TBC1D22A: variants seen among roughly 807,000 people sequenced by gnomAD.
TBC1D22A encodes the protein putative GTPase activator.
A neutral mutation model predicts 60.2 loss-of-function variants in TBC1D22A; 38 were observed. That is an observed-to-expected ratio of 0.63 (90% confidence interval 0.49 to 0.83). The LOEUF is 0.83. Among genes scored for constraint, TBC1D22A ranks in the 40% least tolerant of loss-of-function variants. The pLI is 0.00. For synonymous variants in TBC1D22A, 302 were observed against 281.7 expected (o/e 1.07, Z -0.72); for missense variants, 628 against 701.0 (o/e 0.90, Z 1.18).
At chr22:47,134,877 C>T (rs904200590) in intron 12 of TBC1D22A, among the ~76,000 whole-genome samples, 2 of 152,114 alleles carry the variant, frequency 1.3e-5, no homozygotes, top group East Asian at 1.9e-4. Flanking sequence ...GGGCATGTTG[C>T]ACCACAGGGG....
intron 10 of TBC1D22A, among the ~76,000 whole-genome samples, chr22:47,000,333 C>G (rs183192367): frequency 6.6e-6 from 1 of 151,986 alleles, no homozygotes; most frequent in Non-Finnish European, 1.5e-5. Flanking sequence ...GAGGGCAGAT[C>G]GGAAGAGGGG....
At chr22:46,874,897 C>G (rs2067480561) in intron 4 of TBC1D22A, among the ~76,000 whole-genome samples, 1 of 152,084 alleles carries the variant, frequency 6.6e-6, no homozygotes, top group South Asian at 2.1e-4. Context: ...CTGTTCATGT[C>G]CTTTGCCCCC....
chr22:46,949,017 A>G (rs920509507), intron 8 of TBC1D22A, among the ~76,000 whole-genome samples: 2 of 152,200 alleles, frequency 1.3e-5, no homozygotes, highest in Non-Finnish European at 1.5e-5. Flanking sequence ...GGGAAGCAGG[A>G]GTGGAGCGCC....
At chr22:47,160,139 G>A (rs899511574) in intron 12 of TBC1D22A, among the ~76,000 whole-genome samples, 9 of 152,244 alleles carry the variant, frequency 5.9e-5, no homozygotes. Flanking sequence ...TTTCCCCGCC[G>A]CTCCTTCTCC....
intron 4 of TBC1D22A, among the ~76,000 whole-genome samples, chr22:46,870,775 AC>A (rs1319819774): frequency 6.6e-6 from 1 of 152,230 alleles, no homozygotes; most frequent in African/African-American, 2.4e-5. Flanking sequence ...CTGTGTGCTC[AC>A]ATGACAGAGG....
At chr22:46,975,087 T>C (rs2074242608) in intron 9 of TBC1D22A, among the ~76,000 whole-genome samples, 1 of 152,178 alleles carries the variant, frequency 6.6e-6, no homozygotes, top group Non-Finnish European at 1.5e-5. Context: ...TGGAGCCAGC[T>C]GATACTACAG....
intron 8 of TBC1D22A, among the ~76,000 whole-genome samples, chr22:46,923,140 T>C (rs1262128343): frequency 6.6e-6 from 1 of 152,204 alleles, no homozygotes; most frequent in Non-Finnish European, 1.5e-5. Context: ...TTAGAAACAG[T>C]ATAGAGATAC....
chr22:47,149,547 C>A (rs1009186165), intron 12 of TBC1D22A, among the ~76,000 whole-genome samples: 5 of 152,230 alleles, frequency 3.3e-5, no homozygotes, highest in Non-Finnish European at 7.3e-5. Context: ...TGGGACCACT[C>A]CCCCGCCCAG....
chr22:46,988,652 A>C (rs1000619166), intron 9 of TBC1D22A, among the ~76,000 whole-genome samples: 1 of 152,236 alleles, frequency 6.6e-6, no homozygotes, highest in African/African-American at 2.4e-5. Flanking sequence ...TGGGCTTCAA[A>C]TACTTGGTAA....
intron 10 of TBC1D22A, among the ~76,000 whole-genome samples, chr22:47,016,773 T>C (rs2061922025): frequency 6.6e-6 from 1 of 152,358 alleles, no homozygotes; most frequent in African/African-American, 2.4e-5. Context: ...CAGAAGCTGC[T>C]GCCGCGGATG....
chr22:46,878,622 T>C (rs921284929), intron 4 of TBC1D22A, 31 bp from the exon 5 acceptor site: 1 of 1,610,862 alleles, frequency 6.2e-7, no homozygotes, highest in East Asian at 2.2e-5. Context: ...TTGCAAATCT[T>C]GTTTTTCCTT....
intron 4 of TBC1D22A, among the ~76,000 whole-genome samples, chr22:46,813,601 T>G (rs1327198626): frequency 6.6e-6 from 1 of 152,166 alleles, no homozygotes; most frequent in African/African-American, 2.4e-5. Flanking sequence ...AGGCTTCTGC[T>G]CCAATGGAGA....
Position 46,792,552 on chromosome 22 carries a change from C to G in TBC1D22A, c.95C>G (p.Pro32Arg), listed in dbSNP as rs780242440. 7.4e-5 allele frequency: 120 copies of G among 1,614,132 alleles called. No homozygotes were observed. The highest frequency in any genetic ancestry group is 9.2e-5 in the Non-Finnish European group (108 of 1,180,054). ...CACGTGTATGGTGCCCAGCACCCCC[C>G]CTTTGATCCACTGTTACATGGCACG... Reference protein sequence around the residue: ...IQHVYGAQHPPFDPLLHGTLL... With the variant: ...IQHVYGAQHPRFDPLLHGTLL... Residue 32 changes from proline (P) to arginine (R), a missense_variant, in exon 2 of 13, where the codon CCC becomes CGC. Pro to Arg is a moderately radical substitution (Grantham distance 103, BLOSUM62 -2). Transcript: ENST00000337137.
chr22:47,068,121 C>T (rs1484064239), intron 11 of TBC1D22A, among the ~76,000 whole-genome samples: 1 of 152,246 alleles, frequency 6.6e-6, no homozygotes, highest in Non-Finnish European at 1.5e-5. Context: ...TGTCTAGTCA[C>T]CTGGCTTGTT....
chr22:46,852,399 C>G (rs1031289573), intron 4 of TBC1D22A, among the ~76,000 whole-genome samples: 1 of 152,198 alleles, frequency 6.6e-6, no homozygotes, highest in Non-Finnish European at 1.5e-5. Context: ...TCAGCGACAC[C>G]ATTCACATGC....
chr22:46,898,271 A>G (rs762646), intron 7 of TBC1D22A, among the ~76,000 whole-genome samples: 123,817 of 152,142 alleles, frequency 0.81, 51,076 homozygotes, highest in African/African-American at 0.95. Flanking sequence ...TCTGACCACC[A>G]TGGGCCTTGA....
At chr22:46,878,865 A>G in intron 5 of TBC1D22A, 142 bp downstream of exon 5, 1 of 625,174 alleles carries the variant, frequency 1.6e-6, no homozygotes, top group Non-Finnish European at 2.8e-6. Context: ...GCTATGGCTA[A>G]GCTGACATTT....
At chr22:46,911,127 G>C (rs796239486) in intron 7 of TBC1D22A, among the ~76,000 whole-genome samples, 21 of 152,140 alleles carry the variant, frequency 1.4e-4, no homozygotes, top group African/African-American at 4.6e-4. Context: ...GTTGCACCTT[G>C]GTATAATGAA....
In TBC1D22A at chr22:47,174,741, G is replaced by C. The variant is rs2066829646; in HGVS notation, c.*1115G>C. ...CTGCCGTGGACTGGTTCCCGCCGTG[G>C]ACCAGTTCCCGCTGTATACTGGTTC... On this transcript the variant is annotated 3_prime_UTR_variant, in exon 13 of 13. Coordinates refer to ENST00000337137, the MANE Select transcript of TBC1D22A (RefSeq NM_014346.5). 1 of 148,300 alleles carries C rather than the reference G, an allele frequency of 6.7e-6. No homozygotes were observed. Among genetic ancestry groups the C allele is most frequent in the Non-Finnish European group, 1.5e-5 (1 of 65,566 alleles). 9.2% of individuals were successfully genotyped at this position (148,300 alleles called of 1,614,324 possible).
Sources: allele counts gnomAD v4.1 joint callset (sites outside exome capture counted in the v4.1 genomes callset), GRCh38; gene constraint gnomAD v4.1.1; transcripts MANE v1.5; gene names NCBI Gene and HGNC (gene_info 2026-07-23, HGNC 2026-07-21).